EBI3: variants seen among roughly 807,000 people sequenced by gnomAD.
EBI3 encodes interleukin-27 subunit beta.
Under a neutral mutation model 21.3 loss-of-function variants are expected in EBI3, and 19 were observed. The ratio of observed to expected loss-of-function variants is 0.89; its 90% confidence interval spans 0.62 to 1.31. The LOEUF (loss-of-function observed/expected upper bound fraction) is 1.31, where lower values mean the gene tolerates loss of function less well. EBI3 is among the 50% of genes most tolerant of loss of function. The pLI is 0.00. For missense variants in EBI3, 331 were observed against 314.0 expected (o/e 1.05, Z -0.41); for synonymous variants, 154 against 131.2 (o/e 1.17, Z -1.19).
chr19:4,232,776 TAATGAATGAATGAAGGAATGAATTAATG>T (rs1188571821), intron 2 of EBI3, among the ~76,000 whole-genome samples: 72 of 119,196 alleles, frequency 6.0e-4, no homozygotes, highest in African/African-American at 2.7e-3. Context: ...AGGAATGAAT[TAATGAATGAATGAAGGAATGAATTAATG>T]AATGAATGAA....
intron 1 of EBI3, 106 bp downstream of exon 1, chr19:4,229,723 A>C: frequency 8.4e-7 from 1 of 1,183,910 alleles, no homozygotes. Flanking sequence ...CCCGTGCCCA[A>C]TGGTGGGATG....
chr19:4,230,047 C>A (rs527927919), intron 1 of EBI3, among the ~76,000 whole-genome samples: 1 of 152,206 alleles, frequency 6.6e-6, no homozygotes, highest in African/African-American at 2.4e-5. Context: ...CCTCAGCCTC[C>A]CGAGTAGTTG....
rs1017967480 is a variant in EBI3, at chr19:4,230,540, C to T, written c.68-651C>T. Reference sequence around the variant, plus strand: ...TGAGCTATGATTGTGCCACTGCATTCCAGCCTAGGTGACAGAGTGGGATAC... The same window carrying T: ...TGAGCTATGATTGTGCCACTGCATTTCAGCCTAGGTGACAGAGTGGGATAC... On this transcript the variant is annotated intron_variant, in intron 1 of 4. Coordinates refer to ENST00000221847, the MANE Select transcript of EBI3 (RefSeq NM_005755.3). Among the ~76,000 whole-genome samples, 6 of 151,786 alleles carry T rather than the reference C, an allele frequency of 4.0e-5. No individual in the cohort carries two copies. In the East Asian group the frequency reaches 9.8e-4, roughly 25 times the overall value.
In EBI3 at chr19:4,235,174, A is replaced by G. The variant is rs1236967580; in HGVS notation, c.537+350A>G. On this transcript the variant is annotated intron_variant, in intron 4 of 4. Transcript: ENST00000221847. ...GCTGGGATTACGGGCACGTGCCACT[A>G]TGCCCGGCTAATTTTTGTATTTTTA... Among the ~76,000 whole-genome samples the G allele has an allele frequency of 2.0e-5, 3 of 149,684 alleles. No individual in the cohort carries two copies. The East Asian group carries it at 5.9e-4, about 30-fold the overall frequency.
intron 4 of EBI3, 134 bp downstream of exon 4, chr19:4,234,958 A>G: frequency 1.5e-6 from 2 of 1,307,638 alleles, no homozygotes; most frequent in Non-Finnish European, 2.1e-6. Flanking sequence ...GCAGTCCAGC[A>G]ATCTGATTCC....
At chr19:4,234,092 G>A (rs1173890038) in intron 3 of EBI3, among the ~76,000 whole-genome samples, 2 of 152,142 alleles carry the variant, frequency 1.3e-5, no homozygotes, top group African/African-American at 2.4e-5. Context: ...TGTAATCCCA[G>A]CTACTCAGGG....
intron 1 of EBI3, 71 bp downstream of exon 1, chr19:4,229,688 T>C (rs901465462): frequency 6.8e-7 from 1 of 1,461,712 alleles, no homozygotes. Context: ...CCTCGGATCA[T>C]GTCTGGGGTG....
chr19:4,236,807 T>G, intron 4 of EBI3, 129 bp from the exon 5 acceptor site: 1 of 1,143,750 alleles, frequency 8.7e-7, no homozygotes. Context: ...GCCGCACAGC[T>G]GGGGCCAGAG....
chr19:4,231,326 C>G lies in EBI3; in HGVS notation c.200+3C>G. The G allele has an allele frequency of 6.2e-7, 1 of 1,602,942 alleles. No homozygotes were observed. The highest frequency in any genetic ancestry group is 8.5e-7 in the Non-Finnish European group (1 of 1,176,352). ...GTGTCCTTCATTGCCACGTACAGGT[C>G]GGAGAGCCTGGAAGGGGGCCTCAGG... On this transcript the variant is annotated splice_donor_region_variant and intron_variant, in intron 2 of 4. Transcript: ENST00000221847.
At chr19:4,229,708 A>G (rs1057226223) in intron 1 of EBI3, 91 bp downstream of exon 1, 2 of 1,327,538 alleles carry the variant, frequency 1.5e-6, no homozygotes, top group African/African-American at 3.0e-5. Flanking sequence ...GGGAAATCAC[A>G]TCCTCCCGTG....
chr19:4,233,083 G>A (rs1000636688), intron 2 of EBI3, 46 bp from the exon 3 acceptor site: 2 of 1,486,472 alleles, frequency 1.3e-6, no homozygotes, highest in Non-Finnish European at 1.8e-6. Context: ...AGGTGCTGAG[G>A]CCACAGGCAC....
Position 4,233,016 on chromosome 19 carries a change from G to A in EBI3, c.201-113G>A, listed in dbSNP as rs981523690. 20 of 1,258,588 alleles carry A rather than the reference G, an allele frequency of 1.6e-5. No individual in the cohort carries two copies. The South Asian group carries it at 1.8e-4, about 11-fold the overall frequency. The allele number at this position is 1,258,588 out of a possible 1,614,324, so 78.0% of individuals were successfully genotyped here. A position where few individuals can be genotyped will look rare whatever the true frequency, so the allele number is the denominator to read the frequency against. On this transcript the variant is annotated intron_variant, in intron 2 of 4. Transcript: ENST00000221847. Reference sequence around the variant, plus strand: ...GGACCCCACCCCGGGATCCCCATCCGCTGCCCCCTCCTGTTCCTGCCTCTC... The same window carrying A: ...GGACCCCACCCCGGGATCCCCATCCACTGCCCCCTCCTGTTCCTGCCTCTC...
intron 1 of EBI3, 35 bp from the exon 2 acceptor site, chr19:4,231,156 T>C (rs3760909): frequency 3.3e-6 from 5 of 1,527,396 alleles, no homozygotes; most frequent in East Asian, 4.8e-5. Context: ...AATCTGGGGG[T>C]AAACCAGAAG....
chr19:4,234,657 T>C lies in EBI3; in HGVS notation c.380-10T>C. On this transcript the variant is annotated splice_polypyrimidine_tract_variant and intron_variant, in intron 3 of 4. Transcript: ENST00000221847. ...CTGTCCCCTGACCCTGCTTCCTGCT[T>C]GTCCGTCAGTCAAGCCCGACCCTCC... 6.2e-7 allele frequency: 1 copy of C among 1,609,364 alleles called. No individual in the cohort carries two copies. The highest frequency in any genetic ancestry group is 1.1e-5 in the South Asian group (1 of 90,848).
chr19:4,236,535 A>AAAAAAAG, intron 4 of EBI3, among the ~76,000 whole-genome samples: 1 of 149,506 alleles, frequency 6.7e-6, no homozygotes, highest in Non-Finnish European at 1.5e-5. Flanking sequence ...AAAAAAAAAA[A>AAAAAAAG]AAAAAAAAGC....
chr19:4,233,315 G>C lies in EBI3; in HGVS notation c.379+8G>C. The stretch of plus-strand genomic sequence containing the variant: ...TCATAACAGAGCACATCAGTGAGTG[G>C]GGGCGGCAGTGGGGGCGGGGGCGGG... On this transcript the variant is annotated splice_region_variant and intron_variant, in intron 3 of 4. Transcript: ENST00000221847. 1.3e-6 allele frequency: 2 copies of C among 1,587,122 alleles called. No individual in the cohort carries two copies. The highest frequency in any genetic ancestry group is 1.7e-6 in the Non-Finnish European group (2 of 1,168,478).
intron 3 of EBI3, among the ~76,000 whole-genome samples, chr19:4,233,905 T>C (rs1378706606): frequency 6.6e-6 from 1 of 152,156 alleles, no homozygotes; most frequent in Admixed American, 6.6e-5. Flanking sequence ...GAGTAGATTA[T>C]TAAAAATTGC....
Position 4,233,316 on chromosome 19 carries a change from G to A in EBI3, c.379+9G>A. ...CATAACAGAGCACATCAGTGAGTGG[G>A]GGCGGCAGTGGGGGCGGGGGCGGGG... On this transcript the variant is annotated intron_variant, in intron 3 of 4. Coordinates refer to ENST00000221847, the MANE Select transcript of EBI3 (RefSeq NM_005755.3). 1 of 1,583,212 alleles carries A rather than the reference G, an allele frequency of 6.3e-7. No individual in the cohort carries two copies. Among genetic ancestry groups the A allele is most frequent in the Non-Finnish European group, 8.6e-7 (1 of 1,166,828 alleles).
intron 3 of EBI3, 74 bp from the exon 4 acceptor site, chr19:4,234,593 G>C (rs1359948851): frequency 1.3e-6 from 2 of 1,551,224 alleles, no homozygotes; most frequent in Middle Eastern, 1.7e-4. Context: ...ATAATATGTT[G>C]GTTGAATGAA....
Sources: allele counts gnomAD v4.1 joint callset (sites outside exome capture counted in the v4.1 genomes callset), GRCh38; gene constraint gnomAD v4.1.1; transcripts MANE v1.5; gene names NCBI Gene and HGNC (gene_info 2026-07-23, HGNC 2026-07-21).